RGS3: variants seen among roughly 807,000 people sequenced by gnomAD.
RGS3 encodes regulator of G-protein signalling 3.
Under a neutral mutation model 132.6 loss-of-function variants are expected in RGS3, and 80 were observed. That is an observed-to-expected ratio of 0.60 (90% CI 0.50 to 0.73). The LOEUF is 0.73. RGS3 is among the 30% of genes least tolerant of loss of function. The pLI is 0.00. For missense variants in RGS3, 1,382 were observed against 1,530.8 expected (o/e 0.90, Z 1.62); for synonymous variants, 598 against 620.6 (o/e 0.96, Z 0.54).
At chr9:113,517,141 TC>T (rs1831711949) in intron 15 of RGS3, 1 of 443,128 alleles carries the variant, frequency 2.3e-6, no homozygotes, top group Non-Finnish European at 4.5e-6. Context: ...CATGTGGCTC[TC>T]AGGATGCCTC....
At chr9:113,458,248 A>G (rs180813757), upstream of RGS3, among the ~76,000 whole-genome samples, 7 of 150,862 alleles carry the variant, frequency 4.6e-5, no homozygotes, top group African/African-American at 1.4e-4. Flanking sequence ...AACATTTTAC[A>G]TTTTTCTGGC....
chr9:113,482,420 T>C (rs1830194407), intron 4 of RGS3, among the ~76,000 whole-genome samples: 4 of 152,166 alleles, frequency 2.6e-5, no homozygotes, highest in Admixed American at 2.0e-4. Context: ...CTAGCTTATA[T>C]GGTGAGTAAG....
chr9:113,506,653 C>T lies in RGS3; in HGVS notation c.1085+160C>T, dbSNP rs945923335. The stretch of plus-strand genomic sequence containing the variant: ...CTCTTCAAGGAATCTGTTTCTTGGC[C>T]TGAGAATGGAAGGTTCAGGCTCAGA... On this transcript the variant is annotated intron_variant, in intron 12 of 24. Coordinates refer to ENST00000350696, the Ensembl canonical transcript of RGS3. This position sits in a 1 kb window ranked among gnomAD's most constrained non-coding sequence, Gnocchi z 4.7. Among the ~76,000 whole-genome samples the T allele has an allele frequency of 6.6e-6, 1 of 152,150 alleles. No homozygotes were observed. Among genetic ancestry groups the T allele is most frequent in the Admixed American group, 6.5e-5 (1 of 15,276 alleles).
At position 113,546,430 on chromosome 9, in the gene RGS3, T is replaced by C. The variant is rs557759168; in HGVS notation, c.2037+9512T>C. Among the ~76,000 whole-genome samples, 20 of 152,336 alleles carry C rather than the reference T, an allele frequency of 1.3e-4. 1 individual carries two copies. The South Asian group carries it at 2.7e-3, about 21-fold the overall frequency. On this transcript the variant is annotated intron_variant, in intron 19 of 24. Transcript: ENST00000350696. Reference sequence around the variant, plus strand: ...GCAAGTAGATGTTATATTTTATTTGTCTTTGATTCTATTGTTGTCCGGTCC... The same window carrying C: ...GCAAGTAGATGTTATATTTTATTTGCCTTTGATTCTATTGTTGTCCGGTCC...
Position 113,463,874 on chromosome 9 carries a change from C to T in RGS3, c.415+1673C>T, listed in dbSNP as rs1668297535. ...ACCCGGACTTGTCCTTCTACCTCAC[C>T]ACCTTTGGTAAGTGCCCGCTGGGGC... On this transcript the variant is annotated intron_variant, in intron 3 of 24. Coordinates refer to ENST00000350696, the Ensembl canonical transcript of RGS3. The surrounding 1 kb of genome is among the most constrained non-coding windows in gnomAD (Gnocchi z 4.6). 1.9e-6 allele frequency: 3 copies of T among 1,613,138 alleles called. No individual in the cohort carries two copies. Among genetic ancestry groups the T allele is most frequent in the African/African-American group, 2.7e-5 (2 of 75,038 alleles).
At position 113,508,590 on chromosome 9, in the gene RGS3, C is replaced by T. The variant is rs548464106; in HGVS notation, c.1477+10C>T. On this transcript the variant is annotated intron_variant, in intron 14 of 24. Coordinates refer to ENST00000350696, the Ensembl canonical transcript of RGS3. Reference sequence around the variant, plus strand: ...GATACCATCCCCGAAGGTGAGTCTCCTGCTGCTGCTGTGCCCTCCTAGCTC... The same window carrying T: ...GATACCATCCCCGAAGGTGAGTCTCTTGCTGCTGCTGTGCCCTCCTAGCTC... 43 of 1,609,776 alleles carry T rather than the reference C, an allele frequency of 2.7e-5. No individual in the cohort carries two copies. The South Asian group carries it at 4.2e-4, about 16-fold the overall frequency.
chr9:113,582,924 T>C (rs952068180), intron 19 of RGS3: 1 of 163,938 alleles, frequency 6.1e-6, no homozygotes, highest in Non-Finnish European at 1.3e-5. Flanking sequence ...TCAGAGCACA[T>C]TCTTGTTTGA....
chr9:113,593,516 T>C (rs1265547762), intron 21 of RGS3: 1 of 168,836 alleles, frequency 5.9e-6, no homozygotes, highest in Admixed American at 6.3e-5. Flanking sequence ...AATGGTGTTT[T>C]TGTAAGTTTA....
At chr9:113,490,303 T>C (rs1398709335) in intron 7 of RGS3, among the ~76,000 whole-genome samples, 4 of 152,130 alleles carry the variant, frequency 2.6e-5, no homozygotes, top group Admixed American at 2.6e-4. Context: ...GCCAATCTTA[T>C]TTCATTTACA....
At chr9:113,505,496 C>T in exon 11 of RGS3, 1 of 1,614,216 alleles carries the variant, frequency 6.2e-7, no homozygotes. Context: ...CTGCGACTCT[C>T]CAGTTCGAGT....
exon 2 of RGS3, chr9:113,461,859 A>G: frequency 1.2e-6 from 2 of 1,613,122 alleles, no homozygotes; most frequent in South Asian, 1.1e-5. Flanking sequence ...AGTTGTGAAG[A>G]GGTGACTATC....
chr9:113,595,933 C>A (rs1247101557), intron 24 of RGS3, among the ~76,000 whole-genome samples, 168 bp downstream of exon 22: 1 of 152,208 alleles, frequency 6.6e-6, no homozygotes, highest in Non-Finnish European at 1.5e-5. Context: ...AGAACAGAAT[C>A]CCAGTTAGTA....
intron 7 of RGS3, among the ~76,000 whole-genome samples, chr9:113,494,040 T>C (rs1316755496): frequency 6.6e-6 from 1 of 152,168 alleles, no homozygotes; most frequent in Non-Finnish European, 1.5e-5. Flanking sequence ...CCAGCCTAAA[T>C]ATCCACGATG....
Position 113,596,288 on chromosome 9 carries a change from C to T in RGS3, c.3412-480C>T, listed in dbSNP as rs554665244. Among the ~76,000 whole-genome samples the T allele has an allele frequency of 2.6e-5, 4 of 152,306 alleles. No homozygotes were observed. In the East Asian group the frequency reaches 5.8e-4, roughly 22 times the overall value. On this transcript the variant is annotated intron_variant, in intron 24 of 24. Transcript: ENST00000350696. ...GGCGGAGGTTGCAGTGAGCCGAGAT[C>T]GCACCACTGCACTCCAGCCTGAGTG...
intron 19 of RGS3, among the ~76,000 whole-genome samples, chr9:113,557,831 G>A (rs1015686856): frequency 6.6e-6 from 1 of 152,096 alleles, no homozygotes; most frequent in Non-Finnish European, 1.5e-5. Flanking sequence ...GGACCCTAAC[G>A]CAGGCCAGCA....
At chr9:113,546,912 C>G (rs752307180) in intron 19 of RGS3, among the ~76,000 whole-genome samples, 49 of 152,214 alleles carry the variant, frequency 3.2e-4, no homozygotes, top group Non-Finnish European at 6.3e-4. Flanking sequence ...ACCGTGTGAC[C>G]TTGAGCAAAT....
At chr9:113,483,156 G>A (rs865845121) in intron 5 of RGS3, 39 bp downstream of exon 3, 4 of 1,454,990 alleles carry the variant, frequency 2.7e-6, no homozygotes, top group Middle Eastern at 3.5e-4. Context: ...GGGATATTGA[G>A]GGGCCATGTT....
intron 3 of RGS3, among the ~76,000 whole-genome samples, chr9:113,465,933 C>A (rs938375708): frequency 1.3e-5 from 2 of 152,186 alleles, no homozygotes; most frequent in South Asian, 2.1e-4. Context: ...CTCTTTCAGG[C>A]TGCTGATTTT....
Position 113,481,722 on chromosome 9 carries a change from C to T in RGS3, c.467-1337C>T, listed in dbSNP as rs991070482. 1.1e-4 allele frequency among the ~76,000 whole-genome samples: 16 copies of T among 152,332 alleles called. No homozygotes were observed. In the South Asian group the frequency reaches 2.9e-3, roughly 28 times the overall value. On this transcript the variant is annotated intron_variant, in intron 4 of 24. Transcript: ENST00000350696. ...CTTGCACCTCAGACTACTGGGAGCACTGTCTGAGCCAAACCCTAGGGCTCA... is the reference window on the plus strand; with the variant it reads ...CTTGCACCTCAGACTACTGGGAGCATTGTCTGAGCCAAACCCTAGGGCTCA...
Sources: gnomAD v4.1 joint callset for allele counts (sites outside exome capture counted in the v4.1 genomes callset) on GRCh38, gnomAD v4.1.1 for gene constraint, Gnocchi (gnomAD v3.1) non-coding constraint, MANE v1.5 for transcripts, NCBI Gene and HGNC (gene_info 2026-07-23, HGNC 2026-07-21) for gene names.